The following PDE8B variants were observed in gnomAD, a reference collection of about 807,000 sequenced individuals.
PDE8B encodes phosphodiesterase 8B, also known as high affinity cAMP-specific and IBMX-insensitive 3',5'-cyclic phosphodiesterase 8B.
Under a neutral mutation model 101.3 loss-of-function variants are expected in PDE8B, and 26 were observed. The observed-to-expected ratio is 0.26, with a 90% CI of 0.19 to 0.36. The LOEUF is 0.36. Ranked by LOEUF, PDE8B falls within the 10% of genes least tolerant of loss-of-function variation. The pLI is 1.00. For synonymous variants in PDE8B, 424 were observed against 429.3 expected (o/e 0.99, Z 0.15); for missense variants, 810 against 1,163.1 (o/e 0.70, Z 4.42).
Position 77,349,513 on chromosome 5 carries a change from G to T in PDE8B, c.971G>T (p.Arg324Leu), listed in dbSNP as rs770351038. ...LADLPKSDKNRADLLDTINTC... is the reference protein window; with the variant it reads ...LADLPKSDKNLADLLDTINTC... Reference sequence around the variant, plus strand: ...GATCTGCCCAAAAGCGATAAGAACCGGGCAGACCTTCTCGACACCATCAAT... The same window carrying T: ...GATCTGCCCAAAAGCGATAAGAACCTGGCAGACCTTCTCGACACCATCAAT... The change falls in exon 8 of 22, where the codon CGG becomes CTG. Residue 324 changes from arginine (R) to leucine (L), a missense_variant. By Grantham distance (102) the Arg-to-Leu change is moderately radical. Transcript: ENST00000264917. The T allele has an allele frequency of 2.5e-6, 4 of 1,613,998 alleles. No individual in the cohort carries two copies. The African/African-American group carries it at 4.0e-5, about 16-fold the overall frequency.
At chr5:77,368,427 C>T (rs1784509142) in intron 10 of PDE8B, among the ~76,000 whole-genome samples, 1 of 152,312 alleles carries the variant, frequency 6.6e-6, no homozygotes, top group South Asian at 2.1e-4. Flanking sequence ...CCCTGTTACT[C>T]CTGGCTCCTG....
rs765349956 is a variant in PDE8B, at chr5:77,312,103, T to A, written c.399+50T>A. ...TGACTCAGATTATTTTCTTTTTTTTTTCTTTTTTTTTTTTTTTTGAGATGG... is the reference window on the plus strand; with the variant it reads ...TGACTCAGATTATTTTCTTTTTTTTATCTTTTTTTTTTTTTTTTGAGATGG... On this transcript the variant is annotated intron_variant, in intron 2 of 21. Coordinates refer to ENST00000264917, the MANE Select transcript of PDE8B (RefSeq NM_003719.5). The A allele has an allele frequency of 3.1e-6, 4 of 1,281,932 alleles. No homozygotes were observed. The South Asian group carries it at 3.6e-5, about 12-fold the overall frequency. The allele number at this position is 1,281,932 out of a possible 1,614,324, so 79.4% of individuals were successfully genotyped here. A position where few individuals can be genotyped will look rare whatever the true frequency, so the allele number is the denominator to read the frequency against.
At chr5:77,133,612 C>T in the PDE8B span, among the ~76,000 whole-genome samples, 5 of 152,132 alleles carry the variant, frequency 3.3e-5, no homozygotes, top group Non-Finnish European at 7.4e-5. Flanking sequence ...AAATGGTAAT[C>T]TGTGTTTTGC....
chr5:77,426,583 C>G lies in PDE8B; in HGVS notation c.*29C>G. On this transcript the variant is annotated 3_prime_UTR_variant, in exon 22 of 22. Transcript: ENST00000264917. ...CAAGCCACAGAGGGGGCCTCTTGAC[C>G]GACAAAGGACACTGTGAATCACAGT... 8.9e-7 allele frequency: 1 copy of G among 1,127,636 alleles called. No individual in the cohort carries two copies. The allele number at this position is 1,127,636 out of a possible 1,614,324, so 69.9% of individuals were successfully genotyped here.
intron 8 of PDE8B, among the ~76,000 whole-genome samples, chr5:77,349,776 G>T (rs1400673474): frequency 2.0e-5 from 3 of 152,146 alleles, no homozygotes; most frequent in Non-Finnish European, 4.4e-5. Context: ...GTGATTTTGT[G>T]TGAAAACATT....
chr5:77,161,324 T>A, the PDE8B span, among the ~76,000 whole-genome samples: 3 of 152,204 alleles, frequency 2.0e-5, no homozygotes, highest in Admixed American at 6.5e-5. Context: ...AGCATGATTT[T>A]GAGGCTCACC....
At chr5:77,243,751 G>A (rs760632269) in intron 1 of PDE8B, among the ~76,000 whole-genome samples, 2 of 152,112 alleles carry the variant, frequency 1.3e-5, no homozygotes. Flanking sequence ...TCATCAGTTG[G>A]TGGACATTTT....
intron 1 of PDE8B, among the ~76,000 whole-genome samples, chr5:77,266,417 C>A (rs945285027): frequency 2.0e-5 from 3 of 152,122 alleles, no homozygotes; most frequent in African/African-American, 4.8e-5. Flanking sequence ...AAATGGCCCC[C>A]CAGCCATAGT....
intron 1 of PDE8B, among the ~76,000 whole-genome samples, chr5:77,247,045 A>G (rs570904781): frequency 6.6e-6 from 1 of 152,374 alleles, no homozygotes; most frequent in South Asian, 2.1e-4. Flanking sequence ...CAGTGCTTTA[A>G]TATAAATGTA....
At chr5:77,093,926 G>A in the PDE8B span, among the ~76,000 whole-genome samples, 1 of 152,090 alleles carries the variant, frequency 6.6e-6, no homozygotes, top group South Asian at 2.1e-4. Context: ...GGAGGGCTGA[G>A]TCCAATGTTG....
chr5:77,133,027 C>T, the PDE8B span, among the ~76,000 whole-genome samples: 1 of 152,200 alleles, frequency 6.6e-6, no homozygotes, highest in Admixed American at 6.5e-5. Flanking sequence ...TATCTGATGA[C>T]TTTTCCTCTT....
the PDE8B span, among the ~76,000 whole-genome samples, chr5:77,182,587 C>T: frequency 1.1e-4 from 16 of 152,028 alleles, no homozygotes; most frequent in Non-Finnish European, 2.4e-4. Context: ...TCATGGAGGC[C>T]GCTTACATCA....
chr5:77,268,733 C>G (rs753754501), intron 1 of PDE8B, among the ~76,000 whole-genome samples: 16 of 151,624 alleles, frequency 1.1e-4, no homozygotes, highest in South Asian at 4.2e-4. Context: ...TTATGTACTT[C>G]AGTAGTATTC....
chr5:77,114,719 A>G, the PDE8B span: 1 of 152,272 alleles, frequency 6.6e-6, no homozygotes, highest in Non-Finnish European at 1.5e-5. Context: ...AGTTAAAAAA[A>G]TAAAATCCAA....
At chr5:77,308,552 A>C (rs1228017497) in intron 1 of PDE8B, among the ~76,000 whole-genome samples, 1 of 152,182 alleles carries the variant, frequency 6.6e-6, no homozygotes, top group African/African-American at 2.4e-5. Flanking sequence ...GTCAGACAGG[A>C]GTTAGAATAC....
intron 11 of PDE8B, among the ~76,000 whole-genome samples, chr5:77,403,625 T>C (rs186162844): frequency 7.9e-5 from 12 of 152,166 alleles, no homozygotes; most frequent in Middle Eastern, 3.4e-3. Context: ...ATTGAAACTT[T>C]TATGCATGAT....
the PDE8B span, among the ~76,000 whole-genome samples, chr5:77,198,795 C>T: frequency 2.0e-5 from 3 of 152,160 alleles, no homozygotes; most frequent in South Asian, 4.2e-4. Flanking sequence ...AAAAGGTTGC[C>T]ATTTCTGAAA....
At chr5:77,287,541 A>G (rs1459318960) in intron 1 of PDE8B, among the ~76,000 whole-genome samples, 1 of 148,146 alleles carries the variant, frequency 6.8e-6, no homozygotes, top group African/African-American at 2.5e-5. Context: ...CTCTTCAAAT[A>G]TTGTTCCTGA....
intron 1 of PDE8B, among the ~76,000 whole-genome samples, chr5:77,262,429 G>A (rs928344468): frequency 6.6e-6 from 1 of 152,116 alleles, no homozygotes; most frequent in African/African-American, 2.4e-5. Flanking sequence ...TGTCCCTCTC[G>A]CTTTGTACCC....
Sources: allele counts gnomAD v4.1 joint callset (sites outside exome capture counted in the v4.1 genomes callset), GRCh38; gene constraint gnomAD v4.1.1; transcripts MANE v1.5; gene names NCBI Gene and HGNC (gene_info 2026-07-23, HGNC 2026-07-21).